Variants in LIN9 observed in about 807,000 individuals in gnomAD.
LIN9 encodes the protein protein lin-9 homolog.
LIN9 carries 18 observed loss-of-function variants against 78.0 expected under a neutral mutation model. That is an observed-to-expected ratio of 0.23 (90% confidence interval 0.16 to 0.34). The LOEUF is 0.34. Among genes scored for constraint, LIN9 ranks in the 10% least tolerant of loss-of-function variants. The pLI is 1.00. For missense variants in LIN9, 451 were observed against 644.1 expected (o/e 0.70, Z 3.25); for synonymous variants, 192 against 215.2 (o/e 0.89, Z 0.94).
At chr1:226,242,576 A>G (rs979512143) in intron 11 of LIN9, among the ~76,000 whole-genome samples, 50 of 152,346 alleles carry the variant, frequency 3.3e-4, no homozygotes, top group African/African-American at 1.2e-3. Context: ...AGGCTGATAT[A>G]GAGCTGACCC....
intron 10 of LIN9, among the ~76,000 whole-genome samples, chr1:226,260,628 GTTTTTTTTTTTTTTTTTTTT>G (rs559460640): frequency 4.1e-5 from 3 of 73,430 alleles, no homozygotes; most frequent in South Asian, 6.1e-4. Flanking sequence ...GGCCAAATGA[GTTTTTTTTTTTTTTTTTTTT>G]TTTTTTTTTT....
chr1:226,236,191 GC>G (rs1461787784), intron 12 of LIN9, among the ~76,000 whole-genome samples: 1 of 151,602 alleles, frequency 6.6e-6, no homozygotes, highest in Non-Finnish European at 1.5e-5. Context: ...TTAAATTGAA[GC>G]ATACATAAAT....
At chr1:226,263,924 T>C (rs1007704231) in intron 10 of LIN9, among the ~76,000 whole-genome samples, 9 of 151,792 alleles carry the variant, frequency 5.9e-5, no homozygotes, top group Admixed American at 2.6e-4. Context: ...CAATAAAAAA[T>C]ATATTAGCTG....
At chr1:226,272,677 G>A (rs942038123) in intron 7 of LIN9, among the ~76,000 whole-genome samples, 6 of 151,546 alleles carry the variant, frequency 4.0e-5, no homozygotes, top group Non-Finnish European at 5.9e-5. Context: ...AGACTTGCTG[G>A]CTCCTTGCTT....
At chr1:226,244,831 C>T (rs1658359741) in intron 11 of LIN9, among the ~76,000 whole-genome samples, 1 of 152,210 alleles carries the variant, frequency 6.6e-6, no homozygotes, top group African/African-American at 2.4e-5. Flanking sequence ...TCAGTATGGC[C>T]AAGCTACCTT....
At position 226,246,363 on chromosome 1, in the gene LIN9, GT is replaced by G. The variant is rs146061729; in HGVS notation, c.1119+4475del. Among the ~76,000 whole-genome samples, 3 of 152,158 alleles carry G rather than the reference GT, an allele frequency of 2.0e-5. No homozygotes were observed. The East Asian group carries it at 5.8e-4, about 29-fold the overall frequency. ...ATTCCATTATCTTCTGTCTTCTATT[GT>G]TTCTGTGGAGATGGTAGCTCTCAGA... On this transcript the variant is annotated intron_variant, in intron 11 of 14. Transcript: ENST00000681046.
At chr1:226,251,174 C>T (rs1471431634) in intron 10 of LIN9, among the ~76,000 whole-genome samples, 2 of 151,952 alleles carry the variant, frequency 1.3e-5, no homozygotes, top group Non-Finnish European at 2.9e-5. Context: ...TCAACTCAGC[C>T]TCCCGAGTAG....
chr1:226,291,097 A>G (rs1439632532), intron 4 of LIN9, among the ~76,000 whole-genome samples: 1 of 152,178 alleles, frequency 6.6e-6, no homozygotes, highest in Non-Finnish European at 1.5e-5. Context: ...ACTGCTTTAA[A>G]AACTTTAAAT....
At chr1:226,284,843 T>C (rs999878512) in intron 6 of LIN9, among the ~76,000 whole-genome samples, 8 of 152,236 alleles carry the variant, frequency 5.3e-5, no homozygotes, top group Non-Finnish European at 8.8e-5. Context: ...TTTCTTCATA[T>C]GTATCTTGCA....
intron 12 of LIN9, among the ~76,000 whole-genome samples, chr1:226,235,309 C>T (rs1371251007): frequency 5.9e-5 from 4 of 67,564 alleles, no homozygotes; most frequent in Non-Finnish European, 8.1e-5. Flanking sequence ...TGGACAAGAG[C>T]GAAAATCCGT....
At chr1:226,308,179 A>G (rs1663042269) in intron 1 of LIN9, among the ~76,000 whole-genome samples, 1 of 152,154 alleles carries the variant, frequency 6.6e-6, no homozygotes, top group Admixed American at 6.5e-5. Flanking sequence ...TAAATAACAT[A>G]TTTGTCTTTT....
At chr1:226,287,944 TG>T (rs1260639876) in intron 4 of LIN9, 147 bp from the exon 5 acceptor site, 1 of 607,840 alleles carries the variant, frequency 1.6e-6, no homozygotes, top group African/African-American at 2.0e-5. Context: ...GGAATTTTGT[TG>T]CTGTTTTAAA....
intron 2 of LIN9, among the ~76,000 whole-genome samples, chr1:226,298,856 C>T (rs763952501): frequency 3.3e-5 from 5 of 152,124 alleles, no homozygotes; most frequent in Non-Finnish European, 5.9e-5. Flanking sequence ...AGCACCACTG[C>T]ACTTCAGTCT....
In LIN9 at chr1:226,297,829, A is replaced by T; in HGVS notation, c.65-16T>A. ...AAGCTTCCTTCTGTAATAAATAGTT[A>T]ATACTAATGGAATTTTGGCTTAGTT... On this transcript the variant is annotated splice_polypyrimidine_tract_variant and intron_variant, in intron 2 of 14. Transcript: ENST00000681046. The T allele has an allele frequency of 6.9e-7, 1 of 1,458,654 alleles. No homozygotes were observed. The allele number at this position is 1,458,654 out of a possible 1,614,324, so 90.4% of individuals were successfully genotyped here. A position where few individuals can be genotyped will look rare whatever the true frequency, so the allele number is the denominator to read the frequency against.
At chr1:226,232,680 A>G in intron 14 of LIN9, 74 bp from the exon 15 acceptor site, 2 of 791,604 alleles carry the variant, frequency 2.5e-6, no homozygotes, top group Non-Finnish European at 4.1e-6. Flanking sequence ...AGAAGACCTG[A>G]ATTTTAGTTA....
At chr1:226,246,907 C>A (rs559446009) in intron 11 of LIN9, among the ~76,000 whole-genome samples, 1 of 151,340 alleles carries the variant, frequency 6.6e-6, no homozygotes, top group African/African-American at 2.4e-5. Context: ...GGTTTTGGAA[C>A]GCCTTTAGTC....
intron 10 of LIN9, among the ~76,000 whole-genome samples, chr1:226,256,764 T>C (rs1429752033): frequency 6.6e-6 from 1 of 151,850 alleles, no homozygotes; most frequent in African/African-American, 2.4e-5. Flanking sequence ...TTCACCATGT[T>C]AGTCAGGATG....
Position 226,264,253 on chromosome 1 carries a change from G to A in LIN9, c.1038+1280C>T, listed in dbSNP as rs535295845. ...AAATTAGCTGGGTGTGGTGGCGTGCGCCTGTAATCCCAGCAACTTGGGAGG... is the reference window on the plus strand; with the variant it reads ...AAATTAGCTGGGTGTGGTGGCGTGCACCTGTAATCCCAGCAACTTGGGAGG... On this transcript the variant is annotated intron_variant, in intron 10 of 14. Transcript: ENST00000681046. Among the ~76,000 whole-genome samples, 62 of 152,030 alleles carry A rather than the reference G, an allele frequency of 4.1e-4. No individual in the cohort carries two copies. The Middle Eastern group carries it at 0.01, about 25-fold the overall frequency.
chr1:226,252,603 T>A (rs1658906007), intron 10 of LIN9, among the ~76,000 whole-genome samples: 3 of 152,272 alleles, frequency 2.0e-5, no homozygotes, highest in African/African-American at 7.2e-5. Context: ...AAAATCTGAA[T>A]ACCAACTGAA....
Sources: gnomAD v4.1 joint callset for allele counts (sites outside exome capture counted in the v4.1 genomes callset) on GRCh38, gnomAD v4.1.1 for gene constraint, MANE v1.5 for transcripts, NCBI Gene and HGNC (gene_info 2026-07-23, HGNC 2026-07-21) for gene names.